RAB31: variants seen among roughly 807,000 people sequenced by gnomAD.
RAB31 encodes ras-related protein Rab-31.
In RAB31, 21 loss-of-function variants were observed where a neutral mutation model predicts 25.6. The ratio of observed to expected loss-of-function variants is 0.82; its 90% confidence interval spans 0.58 to 1.18. The LOEUF is 1.18. RAB31 is among the 50% of genes most tolerant of loss of function. The probability of loss-of-function intolerance (pLI) is 0.00; values close to 1 mark genes in which losing one functional copy is unlikely to be tolerated. For missense variants in RAB31, 196 were observed against 250.1 expected, an observed-to-expected ratio of 0.78 and a Z score of 1.46; for synonymous variants, 87 against 84.0, an observed-to-expected ratio of 1.04 and a Z score of -0.20.
chr18:9,742,871 T>TTTTTCCTTCTTC (rs748802290), intron 1 of RAB31, among the ~76,000 whole-genome samples: 1 of 152,224 alleles, frequency 6.6e-6, no homozygotes, highest in Non-Finnish European at 1.5e-5. Flanking sequence ...AACTTGGCTC[T>TTTTTCCTTCTTC]TTTTCCTTCT....
At chr18:9,712,658 G>C (rs1038792845) in intron 1 of RAB31, among the ~76,000 whole-genome samples, 13 of 152,292 alleles carry the variant, frequency 8.5e-5, no homozygotes, top group Non-Finnish European at 1.3e-4. Flanking sequence ...AGGAGGAAGG[G>C]AGAGAGTGGG....
intron 6 of RAB31, among the ~76,000 whole-genome samples, chr18:9,857,204 T>C (rs563829539): frequency 6.6e-6 from 1 of 152,250 alleles, no homozygotes; most frequent in South Asian, 2.1e-4. Context: ...TACTTTTGAG[T>C]TTGGAGTTAA....
At chr18:9,794,687 T>C (rs2068477961) in intron 3 of RAB31, among the ~76,000 whole-genome samples, 1 of 151,998 alleles carries the variant, frequency 6.6e-6, no homozygotes, top group Non-Finnish European at 1.5e-5. Flanking sequence ...TGGTGGCACA[T>C]ACCTGTAGTC....
chr18:9,712,450 A>G (rs190858476), intron 1 of RAB31, among the ~76,000 whole-genome samples: 1 of 152,386 alleles, frequency 6.6e-6, no homozygotes, highest in Non-Finnish European at 1.5e-5. Flanking sequence ...CCTTCTTACC[A>G]GGAAAGTGTC....
At chr18:9,778,611 C>G (rs2145492695) in intron 2 of RAB31, among the ~76,000 whole-genome samples, 1 of 152,248 alleles carries the variant, frequency 6.6e-6, no homozygotes, top group South Asian at 2.1e-4. Context: ...GCTGGGATTA[C>G]AGTTGCACGC....
At chr18:9,723,002 A>C (rs1227035643) in intron 1 of RAB31, 2 of 152,230 alleles carry the variant, frequency 1.3e-5, no homozygotes, top group Non-Finnish European at 2.9e-5. Flanking sequence ...AAACCTCAGA[A>C]GTCTGTGTTG....
chr18:9,743,600 C>G (rs545420736), intron 1 of RAB31, among the ~76,000 whole-genome samples: 3 of 152,152 alleles, frequency 2.0e-5, no homozygotes, highest in Non-Finnish European at 4.4e-5. Flanking sequence ...CCGGCCCTCC[C>G]GGATATGCTT....
At chr18:9,739,558 AAG>A (rs1491522276) in intron 1 of RAB31, among the ~76,000 whole-genome samples, 1 of 139,120 alleles carries the variant, frequency 7.2e-6, no homozygotes, top group Non-Finnish European at 1.6e-5. Flanking sequence ...AAAAAAAAAA[AAG>A]TAAACAAACT....
chr18:9,824,524 T>G (rs755033218), intron 5 of RAB31, among the ~76,000 whole-genome samples: 6 of 152,146 alleles, frequency 3.9e-5, no homozygotes, highest in Non-Finnish European at 8.8e-5. Context: ...GCTTGTCAAT[T>G]CTTGGAAGGA....
At chr18:9,848,342 A>G (rs2068771807) in intron 6 of RAB31, among the ~76,000 whole-genome samples, 1 of 151,614 alleles carries the variant, frequency 6.6e-6, no homozygotes, top group East Asian at 1.9e-4. Context: ...CTGTCTATCC[A>G]TCTGTCCGTC....
At chr18:9,743,265 A>G (rs1390486828) in intron 1 of RAB31, among the ~76,000 whole-genome samples, 1 of 152,350 alleles carries the variant, frequency 6.6e-6, no homozygotes, top group Non-Finnish European at 1.5e-5. Flanking sequence ...TGATTAACAC[A>G]TGTACAAATA....
chr18:9,829,946 C>T lies in RAB31; in HGVS notation c.380+14724C>T, dbSNP rs79500311. ...TGTTATCTCTATGTGTTGAAACTAT[C>T]ATCTTCGAATTTAGGTCTTATATTT... On this transcript the variant is annotated intron_variant, in intron 5 of 6. Transcript: ENST00000578921. Among the ~76,000 whole-genome samples the T allele has an allele frequency of 6.6e-4, 101 of 152,018 alleles. 1 individual carries two copies. The East Asian group carries it at 0.019, about 28-fold the overall frequency.
At position 9,792,563 on chromosome 18, in the gene RAB31, G is replaced by C. The variant is rs550613478; in HGVS notation, c.201+328G>C. ...GACTCACCCTCCCTCCTTACCTCAAGGGTGGTAACCATGGCCCCAAAAGCA... is the reference window on the plus strand; with the variant it reads ...GACTCACCCTCCCTCCTTACCTCAACGGTGGTAACCATGGCCCCAAAAGCA... On this transcript the variant is annotated intron_variant, in intron 3 of 6. Transcript: ENST00000578921. Among the ~76,000 whole-genome samples, 74 of 152,246 alleles carry C rather than the reference G, an allele frequency of 4.9e-4. No individual in the cohort carries two copies. The East Asian group carries it at 5.2e-3, about 11-fold the overall frequency.
intron 1 of RAB31, among the ~76,000 whole-genome samples, chr18:9,744,191 G>T (rs1429396692): frequency 6.6e-6 from 1 of 152,202 alleles, no homozygotes; most frequent in African/African-American, 2.4e-5. Flanking sequence ...TATGCATTGT[G>T]TAGAGCATAC....
chr18:9,746,190 A>AGG (rs374587563), intron 1 of RAB31, among the ~76,000 whole-genome samples: 144,492 of 152,132 alleles, frequency 0.95, 68,695 homozygotes, highest in African/African-American at 0.98. Flanking sequence ...ACATTTAACC[A>AGG]AATACATTTA....
At chr18:9,821,671 A>C (rs2068625161) in intron 5 of RAB31, among the ~76,000 whole-genome samples, 1 of 152,140 alleles carries the variant, frequency 6.6e-6, no homozygotes, top group Non-Finnish European at 1.5e-5. Flanking sequence ...CTAACAATAA[A>C]TATGCAGAAA....
At chr18:9,825,462 A>G (rs1284414449) in intron 5 of RAB31, among the ~76,000 whole-genome samples, 1 of 152,248 alleles carries the variant, frequency 6.6e-6, no homozygotes, top group African/African-American at 2.4e-5. Flanking sequence ...ACCTTGCCTC[A>G]GTGGTTTTAA....
chr18:9,820,951 T>C (rs183539835), intron 5 of RAB31, among the ~76,000 whole-genome samples: 7 of 152,068 alleles, frequency 4.6e-5, no homozygotes, highest in Non-Finnish European at 8.8e-5. Context: ...TGTTCCTCTT[T>C]TTCTGGTTCG....
chr18:9,806,548 A>G (rs1336862706), intron 3 of RAB31, among the ~76,000 whole-genome samples: 2 of 152,030 alleles, frequency 1.3e-5, no homozygotes, highest in African/African-American at 4.8e-5. Context: ...GGAGACAAGC[A>G]GGGGAGGGGC....
Sources: gnomAD v4.1 joint callset for allele counts (sites outside exome capture counted in the v4.1 genomes callset) on GRCh38, gnomAD v4.1.1 for gene constraint, MANE v1.5 for transcripts, NCBI Gene and HGNC (gene_info 2026-07-23, HGNC 2026-07-21) for gene names.